Variants in ASCC1 observed in about 807,000 individuals in gnomAD.
The protein encoded by ASCC1 is ASC-1 complex subunit P50.
Under a neutral mutation model 46.6 loss-of-function variants are expected in ASCC1, and 35 were observed. The observed-to-expected ratio is 0.75, with a 90% CI of 0.57 to 0.99. ASCC1 has a LOEUF of 0.99. Among genes scored for constraint, ASCC1 ranks in the 50% least tolerant of loss-of-function variants. ASCC1 has a pLI of 0.00. For missense variants in ASCC1, 376 were observed against 428.7 expected (o/e 0.88, Z 1.09); for synonymous variants, 143 against 146.6 (o/e 0.98, Z 0.18).
intron 5 of ASCC1, among the ~76,000 whole-genome samples, chr10:72,177,023 T>G (rs185678120): frequency 2.6e-5 from 4 of 152,124 alleles, no homozygotes; most frequent in Admixed American, 1.3e-4. Flanking sequence ...AGAAGTCTAT[T>G]TCCCACACCC....
chr10:72,099,438 T>C (rs980696358), intron 9 of ASCC1, among the ~76,000 whole-genome samples: 6 of 151,982 alleles, frequency 3.9e-5, no homozygotes, highest in Non-Finnish European at 8.8e-5. Context: ...TGCCCAGACA[T>C]GTAAGCTGTG....
In ASCC1 at chr10:72,172,302, C is replaced by A. The variant is rs377267094; in HGVS notation, c.490-10628G>T. ...TAGTGGTGCACAACTGTAATCCCAG[C>A]TACTTCGAGGGCTGAAGCAGGAAAA... is the stretch of plus-strand genomic sequence containing the variant. On this transcript the variant is annotated intron_variant, in intron 5 of 9. Transcript: ENST00000672957. 5.1e-4 allele frequency among the ~76,000 whole-genome samples: 77 copies of A among 151,030 alleles called. No individual in the cohort carries two copies. In the South Asian group the frequency reaches 0.014, roughly 27 times the overall value.
At chr10:72,141,168 A>G (rs1171209824) in intron 7 of ASCC1, among the ~76,000 whole-genome samples, 2 of 152,180 alleles carry the variant, frequency 1.3e-5, no homozygotes, top group African/African-American at 4.8e-5. Context: ...ATTACTTGTT[A>G]TCCACAAATA....
chr10:72,213,101 G>A, intron 2 of ASCC1, 86 bp downstream of exon 2: 1 of 919,292 alleles, frequency 1.1e-6, no homozygotes, highest in South Asian at 1.4e-5. Flanking sequence ...TGCTGACACA[G>A]AAACACATTA....
chr10:72,104,601 T>C (rs2131935640), intron 9 of ASCC1, among the ~76,000 whole-genome samples: 1 of 152,274 alleles, frequency 6.6e-6, no homozygotes, highest in South Asian at 2.1e-4. Flanking sequence ...GTCTGAATCA[T>C]GTTGAATTTT....
chr10:72,191,211 C>G (rs1854430591), intron 5 of ASCC1, among the ~76,000 whole-genome samples: 1 of 149,146 alleles, frequency 6.7e-6, no homozygotes, highest in African/African-American at 2.5e-5. Flanking sequence ...GCGCCCGCCA[C>G]CATGCCCAGC....
At chr10:72,148,694 C>A (rs1847922236) in intron 7 of ASCC1, among the ~76,000 whole-genome samples, 1 of 152,122 alleles carries the variant, frequency 6.6e-6, no homozygotes, top group Non-Finnish European at 1.5e-5. Context: ...TTTGAGAAAT[C>A]TGCATAACTC....
intron 5 of ASCC1, among the ~76,000 whole-genome samples, chr10:72,194,046 G>T (rs181032102): frequency 7.6e-4 from 114 of 150,094 alleles, no homozygotes; most frequent in African/African-American, 2.7e-3. Flanking sequence ...GTTTCACCAT[G>T]TTAGCCAGGA....
At chr10:72,132,547 T>C (rs1845732323) in intron 8 of ASCC1, among the ~76,000 whole-genome samples, 2 of 152,256 alleles carry the variant, frequency 1.3e-5, no homozygotes, top group Middle Eastern at 6.8e-3. Context: ...GTCCCATGCA[T>C]TGTAGAGTGT....
At chr10:72,118,398 A>G (rs908961130) in intron 9 of ASCC1, among the ~76,000 whole-genome samples, 2 of 152,098 alleles carry the variant, frequency 1.3e-5, no homozygotes, top group South Asian at 2.1e-4. Context: ...AATAATTTTC[A>G]AAAACAGTAT....
intron 3 of ASCC1, among the ~76,000 whole-genome samples, chr10:72,207,645 T>TC (rs1280429581): frequency 2.0e-5 from 3 of 151,984 alleles, no homozygotes; most frequent in Middle Eastern, 3.2e-3. Flanking sequence ...TTTCAGAAGT[T>TC]CCCCAGATGA....
At chr10:72,192,442 G>A (rs1180075440) in intron 5 of ASCC1, among the ~76,000 whole-genome samples, 2 of 146,418 alleles carry the variant, frequency 1.4e-5, no homozygotes, top group Admixed American at 6.7e-5. Context: ...GTGACAGGGC[G>A]AGACTCCGTC....
intron 9 of ASCC1, among the ~76,000 whole-genome samples, chr10:72,119,074 C>T (rs569051029): frequency 6.6e-6 from 1 of 152,316 alleles, no homozygotes; most frequent in South Asian, 2.1e-4. Flanking sequence ...AAGAAACCCA[C>T]AGGAGAAACC....
intron 5 of ASCC1, among the ~76,000 whole-genome samples, chr10:72,191,481 T>C (rs1034864517): frequency 6.6e-6 from 1 of 150,666 alleles, no homozygotes; most frequent in African/African-American, 2.4e-5. Context: ...ATAAATTCTT[T>C]AAAAGAAAAA....
Position 72,212,352 on chromosome 10 carries a change from C to T in ASCC1, c.112+835G>A, listed in dbSNP as rs74664904. 725 of 159,394 alleles carry T rather than the reference C, an allele frequency of 4.5e-3. 7 individuals carry two copies. Among genetic ancestry groups the T allele is most frequent in the African/African-American group, 0.016 (654 of 41,582 alleles). The allele number at this position is 159,394 out of a possible 1,614,324, so 9.9% of individuals were successfully genotyped here. The stretch of plus-strand genomic sequence containing the variant: ...AATAAATAAAAAATAAAAAACAATA[C>T]AGTACCACAACTATTTACAGAGCAT... On this transcript the variant is annotated intron_variant, in intron 2 of 9. Coordinates refer to ENST00000672957, the MANE Select transcript of ASCC1 (RefSeq NM_001198800.3).
chr10:72,152,512 A>T lies in ASCC1; in HGVS notation c.746+357T>A, dbSNP rs138014279. On this transcript the variant is annotated intron_variant, in intron 7 of 9. Transcript: ENST00000672957. Reference sequence around the variant, plus strand: ...TCACAAAGACTAGATTGTTACTATCAATACCCGTTATCCAAGTAACTCAGT... The same window carrying T: ...TCACAAAGACTAGATTGTTACTATCTATACCCGTTATCCAAGTAACTCAGT... Among the ~76,000 whole-genome samples the T allele has an allele frequency of 8.7e-3, 1,332 of 152,252 alleles. 15 individuals are homozygous for T. Among genetic ancestry groups the T allele is most frequent in the African/African-American group, 0.03 (1,265 of 41,530 alleles).
At chr10:72,179,053 G>A (rs1010729479) in intron 5 of ASCC1, among the ~76,000 whole-genome samples, 17 of 152,012 alleles carry the variant, frequency 1.1e-4, no homozygotes, top group African/African-American at 3.9e-4. Context: ...CAACAATTCG[G>A]GAAGAGTATA....
At chr10:72,103,780 G>C (rs3780945) in intron 9 of ASCC1, among the ~76,000 whole-genome samples, 2 of 152,012 alleles carry the variant, frequency 1.3e-5, no homozygotes, top group Admixed American at 6.5e-5. Flanking sequence ...AAAAGAATCC[G>C]AACAAACAGG....
At chr10:72,115,600 T>C (rs973780293) in intron 9 of ASCC1, among the ~76,000 whole-genome samples, 3 of 152,032 alleles carry the variant, frequency 2.0e-5, no homozygotes, top group Non-Finnish European at 4.4e-5. Context: ...GAAGAAAGCA[T>C]TTGAAGGAGA....
Sources: gnomAD v4.1 joint callset for allele counts (sites outside exome capture counted in the v4.1 genomes callset) on GRCh38, gnomAD v4.1.1 for gene constraint, MANE v1.5 for transcripts, NCBI Gene and HGNC (gene_info 2026-07-23, HGNC 2026-07-21) for gene names.